ANKFN1: variants seen among roughly 807,000 people sequenced by gnomAD.
ANKFN1 encodes ankyrin repeat and fibronectin type-III domain-containing protein 1.
ANKFN1 carries 74 observed loss-of-function variants against 108.7 expected under a neutral mutation model. The observed-to-expected ratio is 0.68, with a 90% CI of 0.56 to 0.83. ANKFN1 has a LOEUF of 0.83. ANKFN1 is among the 40% of genes least tolerant of loss of function. The pLI is 0.00. For synonymous variants in ANKFN1, 547 were observed against 516.2 expected, an observed-to-expected ratio of 1.06 and a Z score of -0.81; for missense variants, 1,505 against 1,382.3, an observed-to-expected ratio of 1.09 and a Z score of -1.41.
In ANKFN1 at chr17:56,062,144, C is replaced by T. The variant is rs141421207; in HGVS notation, c.288+15819C>T. Among the ~76,000 whole-genome samples, 744 of 152,292 alleles carry T rather than the reference C, an allele frequency of 4.9e-3. 9 individuals carry two copies. The highest frequency in any genetic ancestry group is 0.017 in the African/African-American group (707 of 41,562). Reference sequence around the variant, plus strand: ...TTTGCATTTGCTGAGGAGTGTTTTACTTCCAATTATGTGGTCCATTTTAGA... The same window carrying T: ...TTTGCATTTGCTGAGGAGTGTTTTATTTCCAATTATGTGGTCCATTTTAGA... On this transcript the variant is annotated intron_variant, in intron 4 of 12. Transcript: ENST00000635860.
At chr17:56,080,970 A>G (rs1905238828) in intron 4 of ANKFN1, among the ~76,000 whole-genome samples, 1 of 152,118 alleles carries the variant, frequency 6.6e-6, no homozygotes, top group African/African-American at 2.4e-5. Flanking sequence ...TGCCTCCTCC[A>G]TGTTCAAAGC....
At chr17:56,425,389 A>G (rs932536577) in intron 8 of ANKFN1, among the ~76,000 whole-genome samples, 1 of 152,202 alleles carries the variant, frequency 6.6e-6, no homozygotes, top group Non-Finnish European at 1.5e-5. Context: ...CTTTAACTAC[A>G]GCATTGACTC....
chr17:56,350,534 G>A (rs1043190603), intron 4 of ANKFN1, among the ~76,000 whole-genome samples: 1 of 152,052 alleles, frequency 6.6e-6, no homozygotes, highest in African/African-American at 2.4e-5. Flanking sequence ...GGAGGTTGTC[G>A]TTTCATTCCT....
chr17:56,110,292 C>A (rs1212921451), intron 4 of ANKFN1, among the ~76,000 whole-genome samples: 1 of 152,154 alleles, frequency 6.6e-6, no homozygotes, highest in East Asian at 1.9e-4. Flanking sequence ...AGGCTCCCGT[C>A]CCATTTATCT....
intron 3 of ANKFN1, among the ~76,000 whole-genome samples, chr17:56,324,945 G>A (rs2045474453): frequency 6.6e-6 from 1 of 152,120 alleles, no homozygotes; most frequent in South Asian, 2.1e-4. Context: ...GCTATCAGGG[G>A]GAGATAATGT....
intron 8 of ANKFN1, among the ~76,000 whole-genome samples, chr17:56,436,382 G>T (rs2048929236): frequency 1.3e-5 from 2 of 152,132 alleles, no homozygotes; most frequent in Non-Finnish European, 2.9e-5. Context: ...AGTAGAAACA[G>T]TTTCTCTCAT....
chr17:56,470,604 C>T (rs2050283385), intron 15 of ANKFN1, among the ~76,000 whole-genome samples: 2 of 152,074 alleles, frequency 1.3e-5, no homozygotes, highest in East Asian at 1.9e-4. Flanking sequence ...TCTACCTTTC[C>T]ATCACAACTA....
chr17:56,330,240 T>TCCCATGCTCACAATCACAGCTCA lies in ANKFN1; in HGVS notation c.188+3886_188+3887insCCATGCTCACAATCACAGCTCAC, dbSNP rs1555630614. On this transcript the variant is annotated intron_variant, in intron 4 of 20. Coordinates refer to ENST00000682825, the MANE Select transcript of ANKFN1 (RefSeq NM_001370326.1). ...CCACATGGCTGTGGAGGGCTCACAA[T>TCCCATGCTCACAATCACAGCTCA]CATGGCAGAAGGCAAAGGAGAAGCA... Among the ~76,000 whole-genome samples the TCCCATGCTCACAATCACAGCTCA allele has an allele frequency of 2.0e-5, 3 of 152,056 alleles. No individual in the cohort carries two copies. In the East Asian group the frequency reaches 5.8e-4, roughly 30 times the overall value.
chr17:56,477,126 C>T (rs989683868), intron 15 of ANKFN1, among the ~76,000 whole-genome samples: 1 of 152,124 alleles, frequency 6.6e-6, no homozygotes, highest in African/African-American at 2.4e-5. Context: ...CTGTTTTCTC[C>T]CAGCTAAACA....
At chr17:56,244,357 A>T (rs1469028461) in intron 3 of ANKFN1, among the ~76,000 whole-genome samples, 2 of 152,068 alleles carry the variant, frequency 1.3e-5, no homozygotes, top group East Asian at 3.9e-4. Context: ...CCTCAGTAAG[A>T]TTTGACATAG....
intron 4 of ANKFN1, among the ~76,000 whole-genome samples, chr17:56,128,756 C>A (rs529848891): frequency 6.6e-6 from 1 of 152,312 alleles, no homozygotes; most frequent in Non-Finnish European, 1.5e-5. Context: ...ATATATCTGA[C>A]CACAGAACCC....
chr17:56,233,417 A>T (rs756247403), intron 3 of ANKFN1, among the ~76,000 whole-genome samples: 2 of 152,086 alleles, frequency 1.3e-5, no homozygotes, highest in Non-Finnish European at 2.9e-5. Context: ...GAAGTCCTTC[A>T]AAGGGGAATT....
intron 4 of ANKFN1, among the ~76,000 whole-genome samples, chr17:56,120,097 A>G (rs1239890310): frequency 6.6e-6 from 1 of 152,136 alleles, no homozygotes; most frequent in African/African-American, 2.4e-5. Context: ...TTCTTCCATC[A>G]TCAACATGTA....
intron 1 of ANKFN1, among the ~76,000 whole-genome samples, chr17:56,173,022 A>G (rs929226948): frequency 3.3e-5 from 5 of 152,214 alleles, no homozygotes; most frequent in Non-Finnish European, 5.9e-5. Flanking sequence ...AAGAATGCCA[A>G]TTACACTTGT....
chr17:56,082,284 T>G, intron 4 of ANKFN1, among the ~76,000 whole-genome samples: 1 of 13,774 alleles, frequency 7.3e-5, no homozygotes, highest in Non-Finnish European at 2.2e-4. Context: ...GTTGTTTTGT[T>G]TTGTTTTTGT....
intron 4 of ANKFN1, among the ~76,000 whole-genome samples, chr17:56,143,777 A>T (rs186802207): frequency 1.3e-5 from 2 of 152,266 alleles, no homozygotes; most frequent in East Asian, 3.9e-4. Flanking sequence ...GGCCAAGTGA[A>T]GCCGAACACA....
At chr17:56,110,135 G>A (rs17212886) in intron 4 of ANKFN1, among the ~76,000 whole-genome samples, 19,896 of 152,134 alleles carry the variant, frequency 0.13, 1,484 homozygotes, top group East Asian at 0.28. Context: ...CAAAGAACCC[G>A]ACTGAGCCCT....
At chr17:56,108,407 CTCT>C (rs983001795) in intron 4 of ANKFN1, among the ~76,000 whole-genome samples, 24 of 152,210 alleles carry the variant, frequency 1.6e-4, no homozygotes, top group African/African-American at 5.8e-4. Flanking sequence ...CTTCTTTCGA[CTCT>C]TCTTTTCTCC....
At position 56,449,199 on chromosome 17, in the gene ANKFN1, A is replaced by G. The variant is rs1312738564; in HGVS notation, c.1207+13A>G. On this transcript the variant is annotated intron_variant, in intron 11 of 20. Transcript: ENST00000682825. ...TACAGTTGCCGGGGTAAGGATAAAA[A>G]TCTGTGCTGGGCCATCAACTGAGGT... 1 of 1,610,500 alleles carries G rather than the reference A, an allele frequency of 6.2e-7. No homozygotes were observed. Among genetic ancestry groups the G allele is most frequent in the African/African-American group, 1.3e-5 (1 of 74,886 alleles).
Sources: allele counts gnomAD v4.1 joint callset (sites outside exome capture counted in the v4.1 genomes callset), GRCh38; gene constraint gnomAD v4.1.1; transcripts MANE v1.5; gene names NCBI Gene and HGNC (gene_info 2026-07-23, HGNC 2026-07-21).